The following NCALD variants were observed in gnomAD, a reference collection of about 807,000 sequenced individuals.
NCALD encodes the protein neurocalcin-delta.
A neutral mutation model predicts 18.6 loss-of-function variants in NCALD; 10 were observed. The observed-to-expected ratio is 0.54, with a 90% CI of 0.33 to 0.91. The LOEUF (loss-of-function observed/expected upper bound fraction) is 0.91, where lower values mean the gene tolerates loss of function less well. Among genes scored for constraint, NCALD ranks in the 40% least tolerant of loss-of-function variants. The pLI, the probability that NCALD is intolerant of heterozygous loss-of-function variation, is 0.03. For synonymous variants in NCALD, 88 were observed against 87.4 expected (o/e 1.01, Z -0.04); for missense variants, 184 against 247.6 (o/e 0.74, Z 1.72).
intron 2 of NCALD, among the ~76,000 whole-genome samples, chr8:101,708,179 G>C (rs999920280): frequency 1.1e-4 from 16 of 152,118 alleles, no homozygotes; most frequent in Middle Eastern, 3.2e-3. Context: ...GGGAATTCCT[G>C]GGGCCAACTA....
chr8:101,900,037 A>T (rs1447215637), intron 3 of NCALD, among the ~76,000 whole-genome samples: 2 of 151,956 alleles, frequency 1.3e-5, no homozygotes, highest in Non-Finnish European at 2.9e-5. Context: ...TTACTAATTC[A>T]ATTTCCTCAG....
intron 2 of NCALD, among the ~76,000 whole-genome samples, chr8:101,953,136 A>G (rs1819495760): frequency 6.6e-6 from 1 of 152,050 alleles, no homozygotes; most frequent in South Asian, 2.1e-4. Context: ...TCACATTCAC[A>G]TTTGGGAGAA....
chr8:102,046,797 CT>C (rs111776091), intron 1 of NCALD, among the ~76,000 whole-genome samples: 259 of 142,254 alleles, frequency 1.8e-3, no homozygotes, highest in Non-Finnish European at 2.1e-3. Context: ...GTTTTTTTTC[CT>C]TTTTTTTTTT....
chr8:101,757,638 T>C (rs1810943590), intron 1 of NCALD, among the ~76,000 whole-genome samples: 1 of 152,346 alleles, frequency 6.6e-6, no homozygotes, highest in Middle Eastern at 3.4e-3. Flanking sequence ...CTTGGCCTTC[T>C]TCATCACCCC....
chr8:101,782,047 T>A (rs2130959407), intron 1 of NCALD, among the ~76,000 whole-genome samples: 1 of 140,498 alleles, frequency 7.1e-6, no homozygotes, highest in Non-Finnish European at 1.5e-5. Context: ...TAATGTGCAG[T>A]GTCTCAGGGG....
intron 3 of NCALD, among the ~76,000 whole-genome samples, chr8:101,903,628 A>G (rs1302347834): frequency 6.6e-6 from 1 of 151,490 alleles, no homozygotes; most frequent in Non-Finnish European, 1.5e-5. Flanking sequence ...GGTAGACAGC[A>G]CTCCTCCACC....
At chr8:102,036,601 C>G (rs958449487) in intron 1 of NCALD, among the ~76,000 whole-genome samples, 2 of 151,924 alleles carry the variant, frequency 1.3e-5, no homozygotes, top group Non-Finnish European at 2.9e-5. Context: ...ATGGTGAAAC[C>G]CCATTTCTAC....
At chr8:102,058,182 A>G (rs933402120) in intron 1 of NCALD, among the ~76,000 whole-genome samples, 1 of 152,252 alleles carries the variant, frequency 6.6e-6, no homozygotes. Flanking sequence ...AAGGTGAGCA[A>G]GATTTACCAT....
At chr8:102,040,550 G>C (rs1243677544) in intron 1 of NCALD, among the ~76,000 whole-genome samples, 2 of 152,104 alleles carry the variant, frequency 1.3e-5, no homozygotes, top group Non-Finnish European at 2.9e-5. Flanking sequence ...TATCAACCTA[G>C]AGAAAGGTAA....
At chr8:101,742,308 C>T (rs529616897) in intron 1 of NCALD, among the ~76,000 whole-genome samples, 33 of 152,194 alleles carry the variant, frequency 2.2e-4, no homozygotes, top group Non-Finnish European at 4.7e-4. Context: ...AGGAAGGATG[C>T]TATATGTAAG....
chr8:102,004,350 C>A (rs1326792499), intron 2 of NCALD, among the ~76,000 whole-genome samples: 2 of 152,024 alleles, frequency 1.3e-5, no homozygotes, highest in Admixed American at 6.5e-5. Flanking sequence ...TCAAGGCGAA[C>A]TACAAACCAC....
intron 2 of NCALD, among the ~76,000 whole-genome samples, chr8:101,712,938 A>G (rs1309851936): frequency 1.3e-5 from 2 of 152,200 alleles, no homozygotes; most frequent in Non-Finnish European, 2.9e-5. Context: ...CCTAACAGAC[A>G]TCTACAGAAC....
intron 4 of NCALD, among the ~76,000 whole-genome samples, chr8:101,831,408 T>C (rs1331378312): frequency 1.3e-5 from 2 of 152,346 alleles, no homozygotes; most frequent in South Asian, 2.1e-4. Flanking sequence ...TTACCTTGCA[T>C]GTACCCACTC....
At chr8:101,891,080 A>C (rs55754486) in intron 3 of NCALD, among the ~76,000 whole-genome samples, 15,663 of 152,232 alleles carry the variant, frequency 0.1, 1,950 homozygotes, top group African/African-American at 0.3. Context: ...TTCACATATA[A>C]ATAAGCCCAA....
intron 2 of NCALD, among the ~76,000 whole-genome samples, chr8:102,010,334 C>A (rs920149667): frequency 6.6e-6 from 1 of 152,144 alleles, no homozygotes; most frequent in Non-Finnish European, 1.5e-5. Context: ...TGCCACTGAC[C>A]CCAAATAGTT....
intron 2 of NCALD, among the ~76,000 whole-genome samples, chr8:101,932,232 G>A (rs1818604023): frequency 6.6e-6 from 1 of 152,176 alleles, no homozygotes; most frequent in South Asian, 2.1e-4. Flanking sequence ...GTCCACAGAT[G>A]CAGCCAGGCA....
chr8:101,771,539 G>A (rs1327050807), intron 1 of NCALD, among the ~76,000 whole-genome samples: 1 of 152,130 alleles, frequency 6.6e-6, no homozygotes, highest in Non-Finnish European at 1.5e-5. Flanking sequence ...ATTCACAAAG[G>A]TTCAGACCAG....
intron 1 of NCALD, among the ~76,000 whole-genome samples, chr8:101,756,140 T>C (rs767675153): frequency 1.3e-5 from 2 of 152,026 alleles, no homozygotes; most frequent in African/African-American, 4.8e-5. Flanking sequence ...AGTGGCCTCA[T>C]TGATGAGTAT....
chr8:101,916,284 A>G (rs1817969347), intron 2 of NCALD, among the ~76,000 whole-genome samples: 2 of 152,184 alleles, frequency 1.3e-5, no homozygotes, highest in South Asian at 4.1e-4. Context: ...AAGCTTCATA[A>G]AAGAAGGTTA....
Sources: allele counts gnomAD v4.1 joint callset (sites outside exome capture counted in the v4.1 genomes callset), GRCh38; gene constraint gnomAD v4.1.1; transcripts MANE v1.5; gene names NCBI Gene and HGNC (gene_info 2026-07-23, HGNC 2026-07-21).